The following SPATS2 variants were observed in gnomAD, a reference collection of about 807,000 sequenced individuals.
SPATS2 encodes the protein spermatogenesis associated serine rich 2, also known as spermatogenesis-associated serine-rich protein 2.
SPATS2 carries 38 observed loss-of-function variants against 63.7 expected under a neutral mutation model. The ratio of observed to expected loss-of-function variants is 0.60; its 90% confidence interval spans 0.46 to 0.78. The LOEUF (loss-of-function observed/expected upper bound fraction) is 0.78, where lower values mean the gene tolerates loss of function less well. Among genes scored for constraint, SPATS2 ranks in the 30% least tolerant of loss-of-function variants. SPATS2 has a pLI of 0.00. For synonymous variants in SPATS2, 207 were observed against 232.9 expected (o/e 0.89, Z 1.01); for missense variants, 588 against 666.2 (o/e 0.88, Z 1.29).
chr12:49,482,753 T>G (rs1592443239), intron 3 of SPATS2, among the ~76,000 whole-genome samples: 3 of 152,174 alleles, frequency 2.0e-5, no homozygotes, highest in South Asian at 4.1e-4. Flanking sequence ...ACTAATTTAT[T>G]TTGGCCAATA....
At chr12:49,437,366 C>T (rs1592395338) in intron 2 of SPATS2, among the ~76,000 whole-genome samples, 1 of 151,654 alleles carries the variant, frequency 6.6e-6, no homozygotes, top group East Asian at 1.9e-4. Flanking sequence ...GGCAGAGAGG[C>T]TCCTCACATC....
At chr12:49,436,971 C>T (rs113134207) in intron 2 of SPATS2, among the ~76,000 whole-genome samples, 13,585 of 145,714 alleles carry the variant, frequency 0.093, 717 homozygotes, top group African/African-American at 0.15. Flanking sequence ...AACCCCCCCA[C>T]CTCCATTCCG....
At chr12:49,407,255 T>A (rs1944712886) in intron 2 of SPATS2, among the ~76,000 whole-genome samples, 3 of 152,170 alleles carry the variant, frequency 2.0e-5, no homozygotes, top group Admixed American at 2.0e-4. Context: ...TCTGTCCTTG[T>A]CTTTGTGTAG....
chr12:49,524,970 C>T (rs1252480214), intron 13 of SPATS2, 74 bp downstream of exon 13: 1 of 1,427,826 alleles, frequency 7.0e-7, no homozygotes, highest in African/African-American at 1.4e-5. Context: ...GCTGTTAGCT[C>T]AGTATATTAT....
At chr12:49,515,877 C>T (rs903753281) in intron 10 of SPATS2, among the ~76,000 whole-genome samples, 6 of 151,874 alleles carry the variant, frequency 4.0e-5, no homozygotes, top group African/African-American at 1.5e-4. Flanking sequence ...CGCAGTGGCT[C>T]ATGCCTGTAA....
intron 2 of SPATS2, among the ~76,000 whole-genome samples, chr12:49,374,366 C>T (rs1006066942): frequency 2.6e-5 from 4 of 152,022 alleles, no homozygotes; most frequent in Admixed American, 2.0e-4. Context: ...TGGGTTCAAG[C>T]GATCCTCCTG....
At chr12:49,450,446 G>T (rs1291940552) in intron 2 of SPATS2, among the ~76,000 whole-genome samples, 1 of 151,964 alleles carries the variant, frequency 6.6e-6, no homozygotes, top group Non-Finnish European at 1.5e-5. Context: ...GGGTTTCACT[G>T]TGTTAGCCAG....
At chr12:49,412,484 G>A (rs1173796303) in intron 2 of SPATS2, among the ~76,000 whole-genome samples, 1 of 152,124 alleles carries the variant, frequency 6.6e-6, no homozygotes, top group East Asian at 1.9e-4. Context: ...TTACAGGCGT[G>A]AGCTACTGTG....
chr12:49,522,205 A>G (rs1654558670), intron 11 of SPATS2, among the ~76,000 whole-genome samples: 1 of 148,938 alleles, frequency 6.7e-6, no homozygotes, highest in African/African-American at 2.6e-5. Context: ...AATTACTTGC[A>G]GCATAAACTT....
intron 1 of SPATS2, among the ~76,000 whole-genome samples, chr12:49,370,498 G>GTA (rs1943978842): frequency 6.6e-6 from 1 of 152,180 alleles, no homozygotes; most frequent in African/African-American, 2.4e-5. Flanking sequence ...GTTGCTTAGT[G>GTA]TATATCTGCA....
At chr12:49,485,689 C>G (rs1946279614) in intron 4 of SPATS2, among the ~76,000 whole-genome samples, 1 of 151,498 alleles carries the variant, frequency 6.6e-6, no homozygotes, top group South Asian at 2.1e-4. Context: ...GGAAGAAAAC[C>G]AAGTGGTTTT....
chr12:49,498,662 A>G (rs563167646), intron 8 of SPATS2, among the ~76,000 whole-genome samples: 3 of 151,980 alleles, frequency 2.0e-5, no homozygotes, highest in South Asian at 2.1e-4. Context: ...TGTTAATTCT[A>G]TGCAGTATAT....
At chr12:49,411,559 T>G (rs1390646414) in intron 2 of SPATS2, among the ~76,000 whole-genome samples, 1 of 152,186 alleles carries the variant, frequency 6.6e-6, no homozygotes, top group East Asian at 1.9e-4. Context: ...ATTCAAAGAA[T>G]CATATCTAAA....
At chr12:49,461,782 T>G (rs1461224963) in intron 3 of SPATS2, among the ~76,000 whole-genome samples, 2 of 152,202 alleles carry the variant, frequency 1.3e-5, no homozygotes, top group African/African-American at 4.8e-5. Context: ...AATTTTGACT[T>G]GATAATTCAA....
chr12:49,402,190 G>A (rs1944617004), intron 2 of SPATS2, among the ~76,000 whole-genome samples: 1 of 152,108 alleles, frequency 6.6e-6, no homozygotes, highest in African/African-American at 2.4e-5. Flanking sequence ...AAATGTTTTT[G>A]TTTTTCTTAA....
chr12:49,498,145 A>AAATATATATATATATAT (rs66900382), intron 8 of SPATS2, among the ~76,000 whole-genome samples: 40 of 98,940 alleles, frequency 4.0e-4, no homozygotes, highest in African/African-American at 1.8e-3. Context: ...AAAAAAAAAA[A>AAATATATATATATATAT]ATATATATAT....
intron 2 of SPATS2, among the ~76,000 whole-genome samples, chr12:49,393,821 A>G (rs1042828233): frequency 2.6e-5 from 4 of 152,080 alleles, no homozygotes; most frequent in Admixed American, 2.6e-4. Flanking sequence ...TCCTTTCAAT[A>G]GCAGGCCACC....
intron 2 of SPATS2, among the ~76,000 whole-genome samples, chr12:49,440,444 C>T (rs553094242): frequency 6.6e-6 from 1 of 151,506 alleles, no homozygotes; most frequent in South Asian, 2.1e-4. Flanking sequence ...AGCAGTTCTT[C>T]AATTTTTCGT....
At chr12:49,430,279 T>C (rs1945162542) in intron 2 of SPATS2, among the ~76,000 whole-genome samples, 1 of 151,172 alleles carries the variant, frequency 6.6e-6, no homozygotes, top group African/African-American at 2.4e-5. Context: ...TGTATTATTT[T>C]TTAGTAGAGA....
Sources: allele counts gnomAD v4.1 joint callset (sites outside exome capture counted in the v4.1 genomes callset), GRCh38; gene constraint gnomAD v4.1.1; transcripts MANE v1.5; gene names NCBI Gene and HGNC (gene_info 2026-07-23, HGNC 2026-07-21).